SEM1: variants seen among roughly 807,000 people sequenced by gnomAD.
SEM1 encodes 26S proteasome complex subunit SEM1.
SEM1 carries 3 observed loss-of-function variants against 12.7 expected under a neutral mutation model. That is an observed-to-expected ratio of 0.24 (90% CI 0.11 to 0.61). The LOEUF (loss-of-function observed/expected upper bound fraction) is 0.61. Ranked by LOEUF, SEM1 falls within the 20% of genes least tolerant of loss-of-function variation. SEM1 has a pLI of 0.88. For synonymous variants in SEM1, 30 were observed against 27.8 expected (o/e 1.08, Z -0.25); for missense variants, 59 against 81.3 (o/e 0.73, Z 1.06).
At chr7:96,567,344 T>C (rs1318664719) in intron 2 of SEM1, among the ~76,000 whole-genome samples, 3 of 151,648 alleles carry the variant, frequency 2.0e-5, no homozygotes, top group Non-Finnish European at 3.0e-5. Flanking sequence ...CCTTTATCCC[T>C]TTATATTTTA....
intron 2 of SEM1, among the ~76,000 whole-genome samples, chr7:96,652,484 A>G (rs1809032060): frequency 6.6e-6 from 1 of 152,092 alleles, no homozygotes; most frequent in Non-Finnish European, 1.5e-5. Flanking sequence ...CAACACAAAA[A>G]GAATAGAGAA....
intron 2 of SEM1, among the ~76,000 whole-genome samples, chr7:96,590,515 A>T (rs1806796297): frequency 6.6e-6 from 1 of 152,222 alleles, no homozygotes; most frequent in Non-Finnish European, 1.5e-5. Flanking sequence ...AAACGTAATG[A>T]TTATATATAC....
At chr7:96,689,095 T>C in intron 2 of SEM1, 129 bp from the exon 3 acceptor site, 1 of 530,294 alleles carries the variant, frequency 1.9e-6, no homozygotes, top group South Asian at 3.3e-5. Context: ...CTGAATAGTT[T>C]TACTTTTGTC....
intron 2 of SEM1, among the ~76,000 whole-genome samples, chr7:96,516,999 C>G (rs1804114967): frequency 6.6e-6 from 1 of 152,060 alleles, no homozygotes; most frequent in African/African-American, 2.4e-5. Context: ...ATGATTCCAA[C>G]TATATATGAC....
chr7:96,677,476 G>C (rs1323025993), intron 2 of SEM1, among the ~76,000 whole-genome samples: 1 of 152,124 alleles, frequency 6.6e-6, no homozygotes, highest in Non-Finnish European at 1.5e-5. Flanking sequence ...AAGAGATATA[G>C]ATATCATTTA....
At chr7:96,657,084 T>G (rs1314382046) in intron 2 of SEM1, among the ~76,000 whole-genome samples, 2 of 152,068 alleles carry the variant, frequency 1.3e-5, no homozygotes, top group Non-Finnish European at 2.9e-5. Context: ...TAAGTGGCAG[T>G]AAGAAAATTT....
chr7:96,613,226 T>TA (rs1807598184), intron 2 of SEM1, among the ~76,000 whole-genome samples: 1 of 152,214 alleles, frequency 6.6e-6, no homozygotes, highest in South Asian at 2.1e-4. Flanking sequence ...TCTATAGACA[T>TA]AAAAATTCTG....
upstream of SEM1, among the ~76,000 whole-genome samples, chr7:96,498,753 T>C (rs1803393967): frequency 1.3e-5 from 2 of 152,194 alleles, no homozygotes; most frequent in South Asian, 4.1e-4. Context: ...TAGCTTCTAT[T>C]CTTATTTATA....
intron 2 of SEM1, among the ~76,000 whole-genome samples, chr7:96,543,920 TG>T (rs1157505046): frequency 1.3e-5 from 2 of 152,204 alleles, no homozygotes; most frequent in Admixed American, 1.3e-4. Flanking sequence ...GCATTCACAC[TG>T]GGCCCCATGC....
In SEM1 at chr7:96,633,601, C is replaced by CCAGAATAATATATTGCACTTTTAAAA. The variant is rs1808338664; in HGVS notation, c.171-10959_171-10958insTTTTAAAAGTGCAATATATTATTCTG. On this transcript the variant is annotated intron_variant, in intron 2 of 2. Transcript: ENST00000417009. Reference sequence around the variant, plus strand: ...ATATAAAGCATTATATATTATGCAACCAGAAACACTTATATTGCACTTTTA... The same window carrying CCAGAATAATATATTGCACTTTTAAAA: ...ATATAAAGCATTATATATTATGCAACCAGAATAATATATTGCACTTTTAAAACAGAAACACTTATATTGCACTTTTA... 8.5e-5 allele frequency among the ~76,000 whole-genome samples: 13 copies of CCAGAATAATATATTGCACTTTTAAAA among 152,086 alleles called. 1 individual carries two copies. The South Asian group carries it at 2.7e-3, about 32-fold the overall frequency.
intron 1 of SEM1, among the ~76,000 whole-genome samples, chr7:96,698,958 C>T (rs559545113): frequency 6.6e-6 from 1 of 152,262 alleles, no homozygotes; most frequent in South Asian, 2.1e-4. Flanking sequence ...TTTTCTTTCG[C>T]TTCCTGAACC....
At chr7:96,689,144 TATA>T (rs1313269178) in intron 2 of SEM1, among the ~76,000 whole-genome samples, 178 bp from the exon 3 acceptor site, 1 of 152,126 alleles carries the variant, frequency 6.6e-6, no homozygotes, top group Non-Finnish European at 1.5e-5. Context: ...TATGAGTCAA[TATA>T]ATACTATAAA....
chr7:96,521,909 T>A (rs1350332695), intron 2 of SEM1, among the ~76,000 whole-genome samples: 1 of 152,140 alleles, frequency 6.6e-6, no homozygotes, highest in East Asian at 1.9e-4. Flanking sequence ...TGTGTCCAGA[T>A]GGCCCTTACA....
At chr7:96,595,696 A>G (rs1806976017) in intron 2 of SEM1, among the ~76,000 whole-genome samples, 1 of 152,010 alleles carries the variant, frequency 6.6e-6, no homozygotes, top group Non-Finnish European at 1.5e-5. Context: ...ATAGATTTTC[A>G]GCTTTTAAAA....
chr7:96,662,594 G>C (rs546173724), intron 2 of SEM1, among the ~76,000 whole-genome samples: 2 of 152,222 alleles, frequency 1.3e-5, no homozygotes, highest in Admixed American at 6.5e-5. Flanking sequence ...CTAGATGACG[G>C]GTTGATAGGT....
At chr7:96,489,838 G>A (rs184285129) in intron 1 of SEM1, among the ~76,000 whole-genome samples, 1 of 152,232 alleles carries the variant, frequency 6.6e-6, no homozygotes, top group Non-Finnish European at 1.5e-5. Context: ...ATGTCTGTGC[G>A]CCCTCTCCTC....
chr7:96,610,299 A>G (rs919123333), intron 2 of SEM1, among the ~76,000 whole-genome samples: 5 of 151,982 alleles, frequency 3.3e-5, no homozygotes, highest in Admixed American at 2.0e-4. Flanking sequence ...GGGTTTCTCC[A>G]TGTTGGTGAG....
intron 2 of SEM1, among the ~76,000 whole-genome samples, chr7:96,574,202 T>G (rs564738728): frequency 6.6e-6 from 1 of 152,290 alleles, no homozygotes; most frequent in South Asian, 2.1e-4. Context: ...TTTTTGTCCT[T>G]GTGATAGTTT....
At chr7:96,482,434 C>T (rs1050760574) in exon 4 of SEM1, 2 of 152,170 alleles carry the variant, frequency 1.3e-5, no homozygotes, top group African/African-American at 2.4e-5. Context: ...CAAATGTATA[C>T]ATCACATTCT....
Sources: allele counts gnomAD v4.1 joint callset (sites outside exome capture counted in the v4.1 genomes callset), GRCh38; gene constraint gnomAD v4.1.1; transcripts MANE v1.5; gene names NCBI Gene and HGNC (gene_info 2026-07-23, HGNC 2026-07-21).